Variants in OLA1 observed in about 807,000 individuals in gnomAD.
OLA1 encodes the protein obg-like ATPase 1.
A neutral mutation model predicts 48.4 loss-of-function variants in OLA1; 14 were observed. The observed-to-expected ratio is 0.29, with a 90% CI of 0.19 to 0.45. The LOEUF is 0.45. Among genes scored for constraint, OLA1 ranks in the 20% least tolerant of loss-of-function variants. OLA1 has a pLI of 1.00. For missense variants in OLA1, 325 were observed against 467.1 expected, an observed-to-expected ratio of 0.70 and a Z score of 2.80; for synonymous variants, 127 against 150.4, an observed-to-expected ratio of 0.84 and a Z score of 1.14.
intron 4 of OLA1, among the ~76,000 whole-genome samples, chr2:174,182,715 A>T (rs1687577003): frequency 1.3e-5 from 2 of 152,060 alleles, no homozygotes; most frequent in Non-Finnish European, 2.9e-5. Flanking sequence ...AAAAAAACCC[A>T]CTGTTTTCAT....
intron 4 of OLA1, among the ~76,000 whole-genome samples, chr2:174,170,090 G>A (rs1046906899): frequency 2.8e-4 from 42 of 152,036 alleles, no homozygotes; most frequent in African/African-American, 8.9e-4. Context: ...AAAATTAGCC[G>A]GGCATGGTGG....
intron 3 of OLA1, among the ~76,000 whole-genome samples, chr2:174,225,431 T>A (rs748503952): frequency 6.6e-6 from 1 of 152,072 alleles, no homozygotes; most frequent in Non-Finnish European, 1.5e-5. Flanking sequence ...ATGCCTGTAA[T>A]CCCAGCTACT....
intron 7 of OLA1, among the ~76,000 whole-genome samples, chr2:174,087,860 T>C (rs1041119036): frequency 4.6e-5 from 7 of 152,226 alleles, no homozygotes; most frequent in African/African-American, 1.7e-4. Flanking sequence ...AGCCAAGTTA[T>C]ATTACCATTT....
At chr2:174,128,723 G>A (rs574486549) in intron 5 of OLA1, among the ~76,000 whole-genome samples, 55 of 134,344 alleles carry the variant, frequency 4.1e-4, no homozygotes, top group African/African-American at 1.5e-3. Flanking sequence ...GGGGACAAGA[G>A]CAAAACTTGT....
intron 4 of OLA1, among the ~76,000 whole-genome samples, chr2:174,198,813 T>A (rs1052328567): frequency 2.0e-5 from 3 of 152,162 alleles, no homozygotes; most frequent in African/African-American, 7.2e-5. Flanking sequence ...TATATAGTTT[T>A]ACATATATGT....
chr2:174,187,109 T>C (rs1687674584), intron 4 of OLA1, among the ~76,000 whole-genome samples: 1 of 152,198 alleles, frequency 6.6e-6, no homozygotes, highest in Non-Finnish European at 1.5e-5. Context: ...ATTGTGAATA[T>C]TCAACAGTTT....
chr2:174,164,345 C>T (rs532183767), intron 4 of OLA1, among the ~76,000 whole-genome samples: 17 of 43,512 alleles, frequency 3.9e-4, no homozygotes, highest in African/African-American at 1.7e-3. Flanking sequence ...GTTGGCACTA[C>T]GCAATACCAT....
chr2:174,150,255 A>C (rs182691145), intron 4 of OLA1, among the ~76,000 whole-genome samples: 1 of 152,208 alleles, frequency 6.6e-6, no homozygotes, highest in East Asian at 1.9e-4. Context: ...TGGGTTTGTT[A>C]TAAAAAGTTC....
chr2:174,089,317 C>T (rs1039451225), intron 7 of OLA1, among the ~76,000 whole-genome samples: 1 of 152,196 alleles, frequency 6.6e-6, no homozygotes, highest in Non-Finnish European at 1.5e-5. Flanking sequence ...AAGCACTGAA[C>T]TAAAGGACTT....
At chr2:174,105,402 G>C (rs1174699870) in intron 7 of OLA1, among the ~76,000 whole-genome samples, 1 of 151,888 alleles carries the variant, frequency 6.6e-6, no homozygotes, top group Non-Finnish European at 1.5e-5. Flanking sequence ...GTAGAATTTT[G>C]AGTTCTGTGT....
chr2:174,093,151 CA>C (rs1387386372), intron 7 of OLA1, among the ~76,000 whole-genome samples: 2 of 151,922 alleles, frequency 1.3e-5, no homozygotes, highest in Non-Finnish European at 2.9e-5. Context: ...CCAGGCTTTA[CA>C]AAAAAAGCTA....
chr2:174,228,839 C>T (rs1428321124), intron 3 of OLA1, among the ~76,000 whole-genome samples: 7 of 152,146 alleles, frequency 4.6e-5, no homozygotes, highest in Non-Finnish European at 1.0e-4. Flanking sequence ...GCAATGTTAA[C>T]AACTGGGTAT....
chr2:174,158,171 G>C (rs1305005390), intron 4 of OLA1, among the ~76,000 whole-genome samples: 2 of 152,182 alleles, frequency 1.3e-5, no homozygotes, highest in African/African-American at 2.4e-5. Context: ...AGTTAAGCTA[G>C]AGCTATCACC....
At chr2:174,081,298 G>A (rs761651546) in intron 8 of OLA1, 50 bp from the exon 9 acceptor site, 18 of 1,379,638 alleles carry the variant, frequency 1.3e-5, no homozygotes, top group African/African-American at 2.9e-5. Context: ...GATTGTGCCA[G>A]AAATTGGTAT....
chr2:174,106,962 C>T (rs1220142058), intron 7 of OLA1, among the ~76,000 whole-genome samples: 1 of 152,136 alleles, frequency 6.6e-6, no homozygotes, highest in Non-Finnish European at 1.5e-5. Context: ...AGTCAGTTCT[C>T]TGAGAACATC....
intron 4 of OLA1, among the ~76,000 whole-genome samples, chr2:174,155,292 A>C (rs536360264): frequency 6.6e-6 from 1 of 152,336 alleles, no homozygotes; most frequent in East Asian, 1.9e-4. Flanking sequence ...TGAAGAAGGA[A>C]TCAATGAATG....
intron 4 of OLA1, among the ~76,000 whole-genome samples, chr2:174,164,362 T>TGCAGAATGGATACCATTCTGCAC (rs1558984955): frequency 2.7e-4 from 41 of 151,934 alleles, no homozygotes; most frequent in African/African-American, 9.7e-4. Flanking sequence ...CCATTCTGCA[T>TGCAGAATGGATACCATTCTGCAC]AGTGCAGAAT....
chr2:174,094,804 A>T (rs1466956935), intron 7 of OLA1, among the ~76,000 whole-genome samples: 1 of 152,214 alleles, frequency 6.6e-6, no homozygotes, highest in Non-Finnish European at 1.5e-5. Context: ...TAGCCATTGA[A>T]TAACACCTTC....
At chr2:174,093,118 T>C (rs774440056) in intron 7 of OLA1, among the ~76,000 whole-genome samples, 3 of 152,180 alleles carry the variant, frequency 2.0e-5, no homozygotes, top group Non-Finnish European at 4.4e-5. Flanking sequence ...TCTCAAAATA[T>C]CGTTTGTGAA....
Sources: allele counts gnomAD v4.1 joint callset (sites outside exome capture counted in the v4.1 genomes callset), GRCh38; gene constraint gnomAD v4.1.1; transcripts MANE v1.5; gene names NCBI Gene and HGNC (gene_info 2026-07-23, HGNC 2026-07-21).